The following MAP4K3 variants were observed in gnomAD, a reference collection of about 807,000 sequenced individuals.
The protein encoded by MAP4K3 is MAPK/ERK kinase kinase kinase 3.
Under a neutral mutation model 143.5 loss-of-function variants are expected in MAP4K3, and 94 were observed. The ratio of observed to expected loss-of-function variants is 0.65; its 90% CI spans 0.55 to 0.78. The LOEUF is 0.78. Among genes scored for constraint, MAP4K3 ranks in the 30% least tolerant of loss-of-function variants. The pLI, the probability that MAP4K3 is intolerant of heterozygous loss-of-function variation, is 0.00. For synonymous variants in MAP4K3, 416 were observed against 347.2 expected (o/e 1.20, Z -2.20); for missense variants, 1,077 against 1,068.1 (o/e 1.01, Z -0.12).
chr2:39,316,446 G>A (rs1683114946), intron 12 of MAP4K3, among the ~76,000 whole-genome samples: 1 of 152,072 alleles, frequency 6.6e-6, no homozygotes, highest in South Asian at 2.1e-4. Context: ...TCACCCTTTA[G>A]AACAGAGGTG....
chr2:39,422,211 T>C (rs956175161), intron 1 of MAP4K3, among the ~76,000 whole-genome samples: 14 of 151,922 alleles, frequency 9.2e-5, no homozygotes, highest in African/African-American at 3.4e-4. Context: ...CCACAGACAA[T>C]GTCACCATTT....
chr2:39,379,780 C>T (rs541597507), intron 1 of MAP4K3: 2 of 168,856 alleles, frequency 1.2e-5, no homozygotes, highest in South Asian at 4.1e-4. Context: ...ATGGGTGATT[C>T]TACTATGGAA....
chr2:39,375,324 C>T, intron 2 of MAP4K3, among the ~76,000 whole-genome samples: 1 of 152,068 alleles, frequency 6.6e-6, no homozygotes, highest in East Asian at 1.9e-4. Context: ...TAGTTCCCTC[C>T]TCCATACCCC....
intron 15 of MAP4K3, among the ~76,000 whole-genome samples, chr2:39,303,796 G>A (rs535016752): frequency 1.9e-4 from 29 of 152,246 alleles, no homozygotes; most frequent in Admixed American, 6.5e-4. Context: ...CTTGGCCTCC[G>A]AAAGTGCTGG....
At position 39,416,004 on chromosome 2, in the gene MAP4K3, T is replaced by TATATATAA. The variant is rs1206690314; in HGVS notation, c.96+20887_96+20888insTTATATAT. On this transcript the variant is annotated intron_variant, in intron 1 of 33. Coordinates refer to ENST00000263881, the MANE Select transcript of MAP4K3 (RefSeq NM_003618.4). ...AAATATATATATATATATATATATA[T>TATATATAA]AAAAATAACATTTGGAAGAATAAAT... Among the ~76,000 whole-genome samples, 84 of 76,046 alleles carry TATATATAA rather than the reference T, an allele frequency of 1.1e-3. 2 individuals carry two copies. Among genetic ancestry groups the TATATATAA allele is most frequent in the Non-Finnish European group, 1.8e-3 (73 of 41,388 alleles). 49.9% of individuals were successfully genotyped at this position (76,046 alleles called of 152,430 possible). A position where few individuals can be genotyped will look rare whatever the true frequency, so the allele number is the denominator to read the frequency against.
intron 16 of MAP4K3, among the ~76,000 whole-genome samples, chr2:39,299,530 T>C (rs1682423182): frequency 6.6e-6 from 1 of 152,114 alleles, no homozygotes; most frequent in African/African-American, 2.4e-5. Context: ...ATCAGCAATG[T>C]AGCTTGATAT....
chr2:39,303,256 G>A (rs1264554642), intron 15 of MAP4K3: 1 of 165,972 alleles, frequency 6.0e-6, no homozygotes, highest in East Asian at 1.9e-4. Flanking sequence ...TAACGCAGTA[G>A]ATGATTTATA....
At chr2:39,406,984 T>G (rs749532808) in intron 1 of MAP4K3, among the ~76,000 whole-genome samples, 10 of 152,188 alleles carry the variant, frequency 6.6e-5, no homozygotes, top group African/African-American at 2.4e-4. Flanking sequence ...AAAAAATTCT[T>G]AAAATTTTAG....
At chr2:39,426,702 G>T (rs920872915) in intron 1 of MAP4K3, among the ~76,000 whole-genome samples, 15 of 152,042 alleles carry the variant, frequency 9.9e-5, no homozygotes, top group African/African-American at 3.6e-4. Flanking sequence ...CCTGTGAATT[G>T]AAATTATTTT....
intron 2 of MAP4K3, among the ~76,000 whole-genome samples, chr2:39,375,275 C>T (rs1666187302): frequency 6.6e-6 from 1 of 152,066 alleles, no homozygotes; most frequent in African/African-American, 2.4e-5. Context: ...ACACACCCCT[C>T]TACCTTAGAA....
intron 1 of MAP4K3, among the ~76,000 whole-genome samples, chr2:39,432,462 G>A (rs1665320240): frequency 6.6e-6 from 1 of 152,150 alleles, no homozygotes; most frequent in South Asian, 2.1e-4. Flanking sequence ...GAAGTTTAGG[G>A]CCATTTCTTC....
chr2:39,287,380 G>A (rs1002561846), intron 20 of MAP4K3, among the ~76,000 whole-genome samples: 4 of 150,908 alleles, frequency 2.7e-5, no homozygotes, highest in Non-Finnish European at 4.4e-5. Context: ...TGCAAACTCC[G>A]CCTCCCAGGT....
intron 28 of MAP4K3, among the ~76,000 whole-genome samples, chr2:39,262,710 T>C (rs7608216): frequency 0.021 from 3,156 of 152,332 alleles, 104 homozygotes; most frequent in African/African-American, 0.073. Context: ...TTGTATCTAA[T>C]GTATTTTTGT....
At chr2:39,265,906 T>A (rs1680744156) in intron 27 of MAP4K3, among the ~76,000 whole-genome samples, 1 of 152,026 alleles carries the variant, frequency 6.6e-6, no homozygotes, top group Non-Finnish European at 1.5e-5. Context: ...CCAGAAGAAG[T>A]AAAGTAAATA....
intron 1 of MAP4K3, among the ~76,000 whole-genome samples, chr2:39,424,514 G>A (rs1665001297): frequency 6.6e-6 from 1 of 152,008 alleles, no homozygotes; most frequent in Non-Finnish European, 1.5e-5. Context: ...TGTGCCTTCA[G>A]TAAAGCAAAA....
At position 39,437,070 on chromosome 2, in the gene MAP4K3, G is replaced by A. The variant is rs1384032424; in HGVS notation, c.-83C>T. The A allele has an allele frequency of 4.8e-6, 5 of 1,052,256 alleles. No homozygotes were observed. In the Admixed American group the frequency reaches 1.6e-4, roughly 34 times the overall value. 65.2% of individuals were successfully genotyped at this position (1,052,256 alleles called of 1,614,324 possible). A position where few individuals can be genotyped will look rare whatever the true frequency, so the allele number is the denominator to read the frequency against. ...GGGCCACACGGAGAGAGGGCGCCGC[G>A]GCCGGCTCCCGGCTCCCCCGGCGGT... On this transcript the variant is annotated 5_prime_UTR_variant, in exon 1 of 34. Coordinates refer to ENST00000263881, the MANE Select transcript of MAP4K3 (RefSeq NM_003618.4).
intron 24 of MAP4K3, among the ~76,000 whole-genome samples, chr2:39,273,586 G>T (rs1573080429): frequency 6.6e-6 from 1 of 152,102 alleles, no homozygotes; most frequent in African/African-American, 2.4e-5. Flanking sequence ...TTACTTTATG[G>T]AAACACAGCC....
intron 1 of MAP4K3, among the ~76,000 whole-genome samples, chr2:39,391,296 T>C (rs1666648420): frequency 7.6e-6 from 1 of 131,664 alleles, no homozygotes; most frequent in African/African-American, 2.7e-5. Flanking sequence ...GCGGCAGAGC[T>C]TGCAGTGAGC....
intron 15 of MAP4K3, 104 bp downstream of exon 15, chr2:39,307,839 C>A (rs985104137): frequency 4.8e-6 from 4 of 826,018 alleles, no homozygotes; most frequent in Non-Finnish European, 7.0e-6. Flanking sequence ...TAAATGATAG[C>A]AACTTATAAA....
Sources: gnomAD v4.1 joint callset for allele counts (sites outside exome capture counted in the v4.1 genomes callset) on GRCh38, gnomAD v4.1.1 for gene constraint, MANE v1.5 for transcripts, NCBI Gene and HGNC (gene_info 2026-07-23, HGNC 2026-07-21) for gene names.